The following KCNMA1 variants were observed in gnomAD, a reference collection of about 807,000 sequenced individuals.
The protein encoded by KCNMA1 is Calcium-activated potassium channel subunit alpha-1.
KCNMA1 carries 29 observed loss-of-function variants against 140.0 expected under a neutral mutation model. The ratio of observed to expected loss-of-function variants is 0.21; its 90% CI spans 0.15 to 0.28. The LOEUF is 0.28. Among genes scored for constraint, KCNMA1 ranks in the 10% least tolerant of loss-of-function variants. The probability of loss-of-function intolerance (pLI) is 1.00; values close to 1 mark genes in which losing one functional copy is unlikely to be tolerated. For missense variants in KCNMA1, 880 were observed against 1,602.2 expected (o/e 0.55, Z 7.70); for synonymous variants, 612 against 611.9 (o/e 1.00, Z 0.00).
intron 25 of KCNMA1, among the ~76,000 whole-genome samples, chr10:76,894,443 A>G (rs2041613949): frequency 6.6e-6 from 1 of 152,224 alleles, no homozygotes; most frequent in Non-Finnish European, 1.5e-5. Context: ...GACATGACAC[A>G]AAAAGCATAA....
intron 2 of KCNMA1, among the ~76,000 whole-genome samples, chr10:77,384,857 C>T (rs531474898): frequency 6.6e-6 from 1 of 152,318 alleles, no homozygotes; most frequent in South Asian, 2.1e-4. Context: ...TTCCTATGCC[C>T]ATTCATTCCT....
At chr10:76,892,551 T>C (rs1321508818) in intron 25 of KCNMA1, among the ~76,000 whole-genome samples, 1 of 152,208 alleles carries the variant, frequency 6.6e-6, no homozygotes, top group Admixed American at 6.5e-5. Context: ...TAAGTAGAAA[T>C]CAAGCAGGCT....
chr10:77,468,477 G>C (rs2098082568), intron 1 of KCNMA1, among the ~76,000 whole-genome samples: 1 of 152,110 alleles, frequency 6.6e-6, no homozygotes, highest in Non-Finnish European at 1.5e-5. Context: ...CATTAGGGTG[G>C]GTCCTAATGC....
At chr10:76,888,744 T>C (rs1247856626) in intron 27 of KCNMA1, among the ~76,000 whole-genome samples, 2 of 152,122 alleles carry the variant, frequency 1.3e-5, no homozygotes, top group South Asian at 2.1e-4. Flanking sequence ...AGTAAAAATA[T>C]GGGATTCTGA....
At chr10:77,578,361 C>T (rs1276585657) in intron 1 of KCNMA1, among the ~76,000 whole-genome samples, 1 of 152,224 alleles carries the variant, frequency 6.6e-6, no homozygotes, top group Non-Finnish European at 1.5e-5. Context: ...TTCAGCTTTG[C>T]TTCTTGAGAT....
downstream of KCNMA1, among the ~76,000 whole-genome samples, chr10:76,883,241 TA>T: frequency 6.6e-6 from 1 of 152,156 alleles, no homozygotes; most frequent in African/African-American, 2.4e-5. Context: ...CATATTTTTT[TA>T]AAAAAATCAA....
chr10:77,423,100 G>A (rs1176470499), intron 1 of KCNMA1, among the ~76,000 whole-genome samples: 2 of 152,320 alleles, frequency 1.3e-5, no homozygotes, highest in Non-Finnish European at 2.9e-5. Flanking sequence ...GCTAGACAGT[G>A]GGTGTCTGCG....
chr10:76,973,291 C>A (rs956143762), intron 19 of KCNMA1: 1 of 152,424 alleles, frequency 6.6e-6, no homozygotes, highest in Admixed American at 6.5e-5. Context: ...TCCATCCAGT[C>A]TCCAAGTACT....
At chr10:77,191,001 C>T (rs1284661643) in intron 3 of KCNMA1, among the ~76,000 whole-genome samples, 2 of 152,052 alleles carry the variant, frequency 1.3e-5, no homozygotes, top group Non-Finnish European at 2.9e-5. Flanking sequence ...AGCTTTGCAT[C>T]CCATTTGATC....
intron 3 of KCNMA1, among the ~76,000 whole-genome samples, chr10:77,233,363 T>A (rs2054263882): frequency 6.6e-6 from 1 of 152,224 alleles, no homozygotes; most frequent in Admixed American, 6.5e-5. Context: ...CAAGAGGTCC[T>A]TGTGCAGTAC....
chr10:77,488,821 A>T (rs577241705), intron 1 of KCNMA1, among the ~76,000 whole-genome samples: 7 of 152,202 alleles, frequency 4.6e-5, no homozygotes, highest in Non-Finnish European at 1.0e-4. Flanking sequence ...AGTTGCCACA[A>T]CTTCTCCAGA....
chr10:77,384,393 G>C (rs1488412357), intron 2 of KCNMA1, among the ~76,000 whole-genome samples: 2 of 152,242 alleles, frequency 1.3e-5, no homozygotes, highest in Non-Finnish European at 2.9e-5. Flanking sequence ...CATCACTCCA[G>C]ACTTTTTCCC....
chr10:77,201,046 A>G (rs975136278), intron 3 of KCNMA1, among the ~76,000 whole-genome samples: 1 of 152,122 alleles, frequency 6.6e-6, no homozygotes, highest in Non-Finnish European at 1.5e-5. Flanking sequence ...AGATGTCCTT[A>G]GTTTCCAGAG....
intron 2 of KCNMA1, among the ~76,000 whole-genome samples, chr10:77,402,765 C>A (rs1487913872): frequency 6.6e-6 from 1 of 152,136 alleles, no homozygotes; most frequent in Non-Finnish European, 1.5e-5. Context: ...TTCCAGTGTC[C>A]CTGCCTGGTC....
At chr10:77,448,878 G>A (rs2097577368) in intron 1 of KCNMA1, among the ~76,000 whole-genome samples, 1 of 152,086 alleles carries the variant, frequency 6.6e-6, no homozygotes, top group South Asian at 2.1e-4. Context: ...TACGAGGTCA[G>A]GAGATCGAGA....
chr10:77,058,476 C>T (rs1164183456), intron 14 of KCNMA1, among the ~76,000 whole-genome samples: 1 of 152,020 alleles, frequency 6.6e-6, no homozygotes, highest in African/African-American at 2.4e-5. Context: ...TTAAGCTCAC[C>T]TGGAACATTC....
chr10:77,039,548 C>G lies in KCNMA1; in HGVS notation c.1839G>C (p.Leu613=). Residue 613 remains leucine (L), a synonymous_variant, in exon 15 of 28, where the codon CTG becomes CTC. Coordinates refer to ENST00000286628, the MANE Select transcript of KCNMA1 (RefSeq NM_001161352.2). ...TEYLSSAFVG[L]SFPTVCELCF... ...CTTACTCACAAACAGTAGGGAAGGACAGACCCACGAAGGCACTGGAGAGAT... is the reference window on the plus strand; with the variant it reads ...CTTACTCACAAACAGTAGGGAAGGAGAGACCCACGAAGGCACTGGAGAGAT... 6.2e-7 allele frequency: 1 copy of G among 1,606,516 alleles called. No individual in the cohort carries two copies. The highest frequency in any genetic ancestry group is 8.5e-7 in the Non-Finnish European group (1 of 1,173,024).
intron 23 of KCNMA1, among the ~76,000 whole-genome samples, chr10:76,931,295 G>T (rs1257921987): frequency 6.6e-6 from 1 of 151,908 alleles, no homozygotes; most frequent in East Asian, 1.9e-4. Context: ...ACTTTTACTT[G>T]TCAGTTGTAT....
chr10:77,436,672 G>T (rs1317448226), intron 1 of KCNMA1, among the ~76,000 whole-genome samples: 3 of 152,234 alleles, frequency 2.0e-5, no homozygotes, highest in Admixed American at 2.0e-4. Flanking sequence ...TAGAAGCAGG[G>T]GCTGTTTCCA....
Sources: gnomAD v4.1 joint callset for allele counts (sites outside exome capture counted in the v4.1 genomes callset) on GRCh38, gnomAD v4.1.1 for gene constraint, MANE v1.5 for transcripts, NCBI Gene and HGNC (gene_info 2026-07-23, HGNC 2026-07-21) for gene names.